FGGY: variants seen among roughly 807,000 people sequenced by gnomAD.
FGGY encodes FGGY carbohydrate kinase domain containing.
FGGY carries 72 observed loss-of-function variants against 71.3 expected under a neutral mutation model. The observed-to-expected ratio is 1.01, with a 90% CI of 0.84 to 1.23. The LOEUF (loss-of-function observed/expected upper bound fraction) is 1.23, where lower values mean the gene tolerates loss of function less well. Ranked by LOEUF, FGGY falls within the 50% of genes most tolerant of loss-of-function variation. The pLI is 0.00. For synonymous variants in FGGY, 251 were observed against 250.3 expected, an observed-to-expected ratio of 1.00 and a Z score of -0.02; for missense variants, 668 against 682.3, an observed-to-expected ratio of 0.98 and a Z score of 0.23.
At chr1:59,719,970 A>C (rs1166877918) in intron 14 of FGGY, among the ~76,000 whole-genome samples, 2 of 152,252 alleles carry the variant, frequency 1.3e-5, no homozygotes, top group East Asian at 3.8e-4. Context: ...CCCATGTAGT[A>C]GAATGCCTTT....
intron 5 of FGGY, among the ~76,000 whole-genome samples, chr1:59,452,368 T>C (rs1448614999): frequency 2.0e-5 from 3 of 152,202 alleles, no homozygotes; most frequent in Non-Finnish European, 4.4e-5. Context: ...ATTAATTTGA[T>C]TTTCATTAGT....
intron 6 of FGGY, among the ~76,000 whole-genome samples, chr1:59,496,522 A>C (rs1190742726): frequency 6.6e-6 from 1 of 152,132 alleles, no homozygotes; most frequent in East Asian, 1.9e-4. Flanking sequence ...ACTGGGGCCT[A>C]CTTAAGGGTA....
At chr1:59,660,338 G>C (rs1429638763) in intron 12 of FGGY, 45 bp downstream of exon 12, 4 of 1,495,128 alleles carry the variant, frequency 2.7e-6, no homozygotes. Flanking sequence ...AGAGCCATCA[G>C]TATACTCTAG....
chr1:59,749,080 G>T (rs1162801968), intron 14 of FGGY, among the ~76,000 whole-genome samples: 2 of 152,176 alleles, frequency 1.3e-5, no homozygotes, highest in African/African-American at 4.8e-5. Context: ...ACACAGGGAG[G>T]TATTGAGAGG....
intron 4 of FGGY, among the ~76,000 whole-genome samples, chr1:59,357,248 T>C (rs1570920844): frequency 6.6e-6 from 1 of 151,970 alleles, no homozygotes; most frequent in African/African-American, 2.4e-5. Flanking sequence ...CTTTTAGTTT[T>C]ATAGTCCAGC....
intron 1 of FGGY, among the ~76,000 whole-genome samples, chr1:59,303,528 A>G (rs72911654): frequency 6.6e-6 from 1 of 152,120 alleles, no homozygotes; most frequent in Non-Finnish European, 1.5e-5. Flanking sequence ...TTGTTTTCAT[A>G]TCTTAGTTAT....
At chr1:59,602,578 G>A (rs2096588280) in intron 8 of FGGY, among the ~76,000 whole-genome samples, 1 of 152,110 alleles carries the variant, frequency 6.6e-6, no homozygotes, top group Admixed American at 6.6e-5. Flanking sequence ...TTTATTTAAA[G>A]TAAAATGCAG....
chr1:59,444,719 G>C (rs1006730159), intron 5 of FGGY, among the ~76,000 whole-genome samples: 1 of 152,084 alleles, frequency 6.6e-6, no homozygotes, highest in African/African-American at 2.4e-5. Context: ...GCATGCAAGG[G>C]ATCTAAGTTG....
intron 6 of FGGY, among the ~76,000 whole-genome samples, chr1:59,472,341 T>C (rs1311466902): frequency 1.3e-5 from 2 of 152,220 alleles, no homozygotes; most frequent in Non-Finnish European, 2.9e-5. Flanking sequence ...GCTCGGAACC[T>C]GCAGCCCGCC....
At chr1:59,366,117 T>G (rs1414343074) in intron 4 of FGGY, among the ~76,000 whole-genome samples, 1 of 152,204 alleles carries the variant, frequency 6.6e-6, no homozygotes, top group Non-Finnish European at 1.5e-5. Context: ...ATTTTATGGT[T>G]GGGAAATCAA....
chr1:59,355,219 GT>G (rs149395626), intron 4 of FGGY, among the ~76,000 whole-genome samples: 3,744 of 149,590 alleles, frequency 0.025, 175 homozygotes, highest in African/African-American at 0.087. Flanking sequence ...ACTTCATACT[GT>G]TTTTTTTTTA....
At position 59,612,682 on chromosome 1, in the gene FGGY, A is replaced by G. The variant is rs139201730; in HGVS notation, c.1011+4772A>G. On this transcript the variant is annotated intron_variant, in intron 9 of 15. Transcript: ENST00000303721. ...ATATGTAAATGGGCTAAATGCTCCA[A>G]TTGAAAGACACAGACTGGCAAATTG... is the stretch of plus-strand genomic sequence containing the variant. 3.8e-3 allele frequency among the ~76,000 whole-genome samples: 574 copies of G among 152,354 alleles called. 2 individuals carry two copies. The highest frequency in any genetic ancestry group is 0.013 in the African/African-American group (534 of 41,570).
chr1:59,342,693 C>T (rs1009081894), intron 3 of FGGY, among the ~76,000 whole-genome samples: 1 of 152,140 alleles, frequency 6.6e-6, no homozygotes, highest in Non-Finnish European at 1.5e-5. Context: ...ATGGCAGCGA[C>T]CAACTCTTGA....
chr1:59,697,647 G>A lies in FGGY; in HGVS notation c.1512+23514G>A, dbSNP rs759193452. The A allele has an allele frequency of 9.2e-6, 12 of 1,303,428 alleles. No homozygotes were observed. In the Admixed American group the frequency reaches 1.6e-4, roughly 17 times the overall value. The allele number at this position is 1,303,428 out of a possible 1,614,324, so 80.7% of individuals were successfully genotyped here. On this transcript the variant is annotated intron_variant, in intron 14 of 15. Coordinates refer to ENST00000303721, the MANE Select transcript of FGGY (RefSeq NM_018291.5). Reference sequence around the variant, plus strand: ...TTAACATTTTTGTGACTTCTTTCCAGTGGGGGAAATAGATAGCTCAGTTGT... The same window carrying A: ...TTAACATTTTTGTGACTTCTTTCCAATGGGGGAAATAGATAGCTCAGTTGT...
At chr1:59,521,750 C>T (rs965559978) in intron 7 of FGGY, among the ~76,000 whole-genome samples, 1 of 152,190 alleles carries the variant, frequency 6.6e-6, no homozygotes, top group Non-Finnish European at 1.5e-5. Context: ...GTTCATCAGC[C>T]AGGGTCCCCG....
chr1:59,548,243 G>A (rs536233763), intron 7 of FGGY, among the ~76,000 whole-genome samples: 101 of 152,284 alleles, frequency 6.6e-4, no homozygotes, highest in African/African-American at 2.3e-3. Context: ...GGATATCCTA[G>A]GCAGAGGGAG....
intron 5 of FGGY, among the ~76,000 whole-genome samples, chr1:59,452,617 T>C (rs1557971682): frequency 6.6e-6 from 1 of 152,244 alleles, no homozygotes. Context: ...TACTCATTGA[T>C]AAATGCTATT....
At chr1:59,555,595 A>T (rs74871466) in intron 8 of FGGY, among the ~76,000 whole-genome samples, 2 of 152,218 alleles carry the variant, frequency 1.3e-5, no homozygotes, top group Non-Finnish European at 2.9e-5. Flanking sequence ...GGGAGGGTGC[A>T]GGGTGATAGA....
chr1:59,732,999 T>C (rs1457706384), intron 14 of FGGY, among the ~76,000 whole-genome samples: 1 of 152,014 alleles, frequency 6.6e-6, no homozygotes, highest in Non-Finnish European at 1.5e-5. Flanking sequence ...TCAAAGGACT[T>C]TCTCTCCTGG....
Sources: allele counts gnomAD v4.1 joint callset (sites outside exome capture counted in the v4.1 genomes callset), GRCh38; gene constraint gnomAD v4.1.1; transcripts MANE v1.5; gene names NCBI Gene and HGNC (gene_info 2026-07-23, HGNC 2026-07-21).